TFEC: variants seen among roughly 807,000 people sequenced by gnomAD.
TFEC encodes class E basic helix-loop-helix protein 34.
A neutral mutation model predicts 41.6 loss-of-function variants in TFEC; 31 were observed. The observed-to-expected ratio is 0.74, with a 90% CI of 0.56 to 1.01. TFEC has a LOEUF of 1.01. Among genes scored for constraint, TFEC ranks in the 50% least tolerant of loss-of-function variants. The pLI is 0.00. For synonymous variants in TFEC, 143 were observed against 140.6 expected (o/e 1.02, Z -0.12); for missense variants, 402 against 404.1 (o/e 0.99, Z 0.04).
chr7:116,138,232 G>A (rs979183884), intron 1 of TFEC, among the ~76,000 whole-genome samples: 24 of 152,106 alleles, frequency 1.6e-4, no homozygotes, highest in Non-Finnish European at 3.2e-4. Flanking sequence ...CAAAACAACA[G>A]ATAACACTAA....
intron 3 of TFEC, among the ~76,000 whole-genome samples, chr7:116,046,992 CT>C (rs1192878814): frequency 6.6e-6 from 1 of 152,176 alleles, no homozygotes; most frequent in African/African-American, 2.4e-5. Context: ...AAAGCATTTA[CT>C]TGTGTCAGTG....
chr7:115,984,541 A>G (rs1183212607), intron 1 of TFEC, 28 bp from the exon 2 acceptor site: 4 of 1,606,402 alleles, frequency 2.5e-6, no homozygotes, highest in Non-Finnish European at 3.4e-6. Flanking sequence ...AACAAATACA[A>G]TGTGCAGCAT....
intron 1 of TFEC, among the ~76,000 whole-genome samples, chr7:115,987,297 C>T (rs1489669689): frequency 2.0e-5 from 3 of 152,134 alleles, no homozygotes; most frequent in African/African-American, 4.8e-5. Flanking sequence ...TCTGACTTTA[C>T]TAACCATGAA....
chr7:115,953,107 A>T (rs1275296214), intron 5 of TFEC, among the ~76,000 whole-genome samples: 1 of 151,824 alleles, frequency 6.6e-6, no homozygotes, highest in African/African-American at 2.4e-5. Flanking sequence ...AATGTACAGG[A>T]CAGGGTGTTC....
intron 1 of TFEC, among the ~76,000 whole-genome samples, chr7:115,991,065 G>A (rs35953619): frequency 0.14 from 20,854 of 152,054 alleles, 1,932 homozygotes; most frequent in Non-Finnish European, 0.21. Flanking sequence ...GAAGAGAGGG[G>A]GGCCAGTACT....
chr7:116,001,550 A>C (rs1230183692), intron 1 of TFEC, among the ~76,000 whole-genome samples: 1 of 151,912 alleles, frequency 6.6e-6, no homozygotes, highest in Non-Finnish European at 1.5e-5. Context: ...AACAAACAAA[A>C]AAAACATTGG....
At chr7:116,127,593 T>C (rs936895146) in intron 1 of TFEC, among the ~76,000 whole-genome samples, 2 of 150,658 alleles carry the variant, frequency 1.3e-5, no homozygotes, top group Non-Finnish European at 2.9e-5. Flanking sequence ...CTTCAAGTAC[T>C]CCAAGATTAC....
intron 1 of TFEC, among the ~76,000 whole-genome samples, chr7:115,996,082 C>A (rs761804161): frequency 6.6e-6 from 1 of 152,138 alleles, no homozygotes; most frequent in African/African-American, 2.4e-5. Flanking sequence ...GAACGTAAGA[C>A]CTAGTGAGAT....
intron 2 of TFEC, among the ~76,000 whole-genome samples, chr7:115,977,148 T>C (rs955978662): frequency 4.6e-5 from 7 of 152,142 alleles, no homozygotes; most frequent in African/African-American, 1.7e-4. Context: ...CAAGAATCCA[T>C]TTGTTATTTT....
Position 115,937,005 on chromosome 7 carries a change from T to C in TFEC, c.*3546A>G, listed in dbSNP as rs1366788245. On this transcript the variant is annotated 3_prime_UTR_variant, in exon 8 of 8. Coordinates refer to ENST00000265440, the MANE Select transcript of TFEC (RefSeq NM_012252.4). ...GGAAAAATTCAAGAAGAAAAGGCAC[T>C]AAAGAAAAAAATTGTAAAGAGCTGT... is the stretch of plus-strand genomic sequence containing the variant. 2 of 151,376 alleles carry C rather than the reference T, an allele frequency of 1.3e-5. No homozygotes were observed. The highest frequency in any genetic ancestry group is 3.0e-5 in the Non-Finnish European group (2 of 67,590). 9.4% of individuals were successfully genotyped at this position (151,376 alleles called of 1,614,324 possible). A position where few individuals can be genotyped will look rare whatever the true frequency, so the allele number is the denominator to read the frequency against.
At chr7:116,032,316 G>C (rs1033952476), upstream of TFEC, among the ~76,000 whole-genome samples, 1 of 151,908 alleles carries the variant, frequency 6.6e-6, no homozygotes, top group African/African-American at 2.4e-5. Context: ...ATTCAACCTG[G>C]CAATCCCATT....
chr7:116,153,779 AAAG>A (rs1280808643), intron 1 of TFEC, among the ~76,000 whole-genome samples: 1 of 152,226 alleles, frequency 6.6e-6, no homozygotes, highest in Non-Finnish European at 1.5e-5. Flanking sequence ...TGCATAAAAA[AAAG>A]ATTAGGAAAG....
At chr7:115,998,417 GAGA>G (rs1794453350) in intron 1 of TFEC, among the ~76,000 whole-genome samples, 1 of 151,564 alleles carries the variant, frequency 6.6e-6, no homozygotes, top group African/African-American at 2.4e-5. Flanking sequence ...AAAGAAGGAA[GAGA>G]AGACCACATA....
At chr7:115,954,672 G>A in intron 4 of TFEC, 30 bp from the exon 5 acceptor site, 2 of 1,588,324 alleles carry the variant, frequency 1.3e-6, no homozygotes, top group Non-Finnish European at 1.7e-6. Flanking sequence ...TAAAAACCAT[G>A]CTTAGTTCTA....
chr7:116,050,943 C>T (rs1167877501), intron 3 of TFEC, among the ~76,000 whole-genome samples: 2 of 152,138 alleles, frequency 1.3e-5, no homozygotes, highest in Non-Finnish European at 2.9e-5. Context: ...GTGGCACATA[C>T]ACACCATGGA....
chr7:116,132,399 A>C (rs763387743), intron 1 of TFEC, among the ~76,000 whole-genome samples: 1 of 152,314 alleles, frequency 6.6e-6, no homozygotes, highest in East Asian at 1.9e-4. Context: ...GAATTTTTTT[A>C]AATATGCAAA....
At chr7:115,960,311 T>G (rs182547829) in intron 3 of TFEC, among the ~76,000 whole-genome samples, 2 of 151,742 alleles carry the variant, frequency 1.3e-5, no homozygotes, top group African/African-American at 4.8e-5. Context: ...CATTCACACA[T>G]GAGGCCATGA....
At chr7:116,086,005 C>G (rs1403214773) in intron 3 of TFEC, among the ~76,000 whole-genome samples, 1 of 151,848 alleles carries the variant, frequency 6.6e-6, no homozygotes, top group Non-Finnish European at 1.5e-5. Context: ...TAAAATATAT[C>G]TTTCAGAGCC....
intron 3 of TFEC, among the ~76,000 whole-genome samples, chr7:116,057,641 T>C (rs1024280052): frequency 4.6e-5 from 7 of 151,880 alleles, no homozygotes; most frequent in Admixed American, 3.9e-4. Context: ...TAAAAGATAA[T>C]TAACTTTTTA....
Sources: gnomAD v4.1 joint callset for allele counts (sites outside exome capture counted in the v4.1 genomes callset) on GRCh38, gnomAD v4.1.1 for gene constraint, MANE v1.5 for transcripts, NCBI Gene and HGNC (gene_info 2026-07-23, HGNC 2026-07-21) for gene names.